DLG5: variants seen among roughly 807,000 people sequenced by gnomAD.
DLG5 encodes the protein disks large homolog 5.
DLG5 carries 48 observed loss-of-function variants against 189.8 expected under a neutral mutation model. The ratio of observed to expected loss-of-function variants is 0.25; its 90% CI spans 0.20 to 0.32. The LOEUF (loss-of-function observed/expected upper bound fraction) is 0.32. Ranked by LOEUF, DLG5 falls within the 10% of genes least tolerant of loss-of-function variation. DLG5 has a pLI of 1.00. For synonymous variants in DLG5, 1,016 were observed against 1,054.1 expected, an observed-to-expected ratio of 0.96 and a Z score of 0.70; for missense variants, 2,160 against 2,544.7, an observed-to-expected ratio of 0.85 and a Z score of 3.25.
chr10:77,918,817 G>T (rs574502069), intron 1 of DLG5, among the ~76,000 whole-genome samples: 1 of 152,212 alleles, frequency 6.6e-6, no homozygotes, highest in Admixed American at 6.5e-5. Context: ...CTCTATGTTT[G>T]CTACCTCTGT....
At chr10:77,894,054 G>A (rs1348063896) in intron 1 of DLG5, among the ~76,000 whole-genome samples, 1 of 152,254 alleles carries the variant, frequency 6.6e-6, no homozygotes, top group Non-Finnish European at 1.5e-5. Flanking sequence ...GTGGGTGGAA[G>A]ATGGTGCGTT....
At chr10:77,879,254 T>C (rs555629617) in intron 1 of DLG5, among the ~76,000 whole-genome samples, 1 of 152,012 alleles carries the variant, frequency 6.6e-6, no homozygotes, top group East Asian at 2.0e-4. Context: ...GAATAGCAAG[T>C]GCAAAGGCCC....
chr10:77,926,233 C>T lies in DLG5; in HGVS notation c.288G>A (p.Gln96=). ...LYLNGVVGPP[Q]PAEGAGSTYS... ...GCCACTCACCCGCGCCTTCGGCGGG[C>T]TGCGGCGGCCCGACGACGCCGTTCA... Residue 96 remains glutamine, a synonymous_variant, in exon 1 of 32, where the codon CAG becomes CAA. Coordinates refer to ENST00000372391, the MANE Select transcript of DLG5 (RefSeq NM_004747.4). The surrounding 1 kb of genome is among the most constrained non-coding windows in gnomAD (Gnocchi z 5.2). 1.3e-6 allele frequency: 2 copies of T among 1,508,768 alleles called. No homozygotes were observed. Among genetic ancestry groups the T allele is most frequent in the Non-Finnish European group, 8.9e-7 (1 of 1,127,308 alleles). The allele number at this position is 1,508,768 out of a possible 1,614,324, so 93.5% of individuals were successfully genotyped here.
chr10:77,878,797 G>A (rs1845183956), intron 1 of DLG5, among the ~76,000 whole-genome samples: 1 of 152,128 alleles, frequency 6.6e-6, no homozygotes, highest in South Asian at 2.1e-4. Context: ...AAAAACCAGA[G>A]CGCTCACAGT....
At position 77,856,857 on chromosome 10, in the gene DLG5, G is replaced by A. The variant is rs764393702; in HGVS notation, c.409C>T (p.Leu137Phe). ...TTCTCATTCACTTGCTGGTCAGTGA[G>A]GAGGGGTGGTGGGGACGGCGCCTTC... ...TGKAPSPPPL[L>F]TDQQVNEKVE... is the part of the protein sequence containing the mutation. Residue 137 changes from leucine to phenylalanine, a missense_variant, in exon 3 of 32, where the codon CTC becomes TTC. Around this residue, in one of 5 missense-constraint regions of DLG5, gnomAD observed 664 missense variants for 838.5 expected, o/e 0.79. Coordinates refer to ENST00000372391, the MANE Select transcript of DLG5 (RefSeq NM_004747.4). 5.0e-6 allele frequency: 8 copies of A among 1,612,456 alleles called. No individual in the cohort carries two copies. In the South Asian group the frequency reaches 6.6e-5, roughly 13 times the overall value.
chr10:77,908,007 C>G (rs769030174), intron 1 of DLG5, among the ~76,000 whole-genome samples: 2 of 152,186 alleles, frequency 1.3e-5, no homozygotes, highest in Non-Finnish European at 2.9e-5. Flanking sequence ...GGCCATGAAC[C>G]TGCAGCAGCC....
In DLG5 at chr10:77,841,951, G is replaced by A. The variant is rs1258337729; in HGVS notation, c.1367C>T (p.Ala456Val). 6.2e-7 allele frequency: 1 copy of A among 1,614,084 alleles called. No individual in the cohort carries two copies. The highest frequency in any genetic ancestry group is 2.2e-5 in the East Asian group (1 of 44,888). Residue 456 changes from alanine (A) to valine (V), a missense_variant, in exon 7 of 32, where the codon GCC becomes GTC. Coordinates refer to ENST00000372391, the MANE Select transcript of DLG5 (RefSeq NM_004747.4). ...LDKLQTEVELAESKLKSSTSE... is the reference protein window; with the variant it reads ...LDKLQTEVELVESKLKSSTSE... ...TGTGCTGCTCTTGAGCTTGGACTCG[G>A]CCAGCTCCACTTCGGTCTGCAGCTT... is the stretch of plus-strand genomic sequence containing the variant.
chr10:77,799,804 T>G (rs1841109315), intron 27 of DLG5, among the ~76,000 whole-genome samples: 1 of 151,750 alleles, frequency 6.6e-6, no homozygotes, highest in South Asian at 2.1e-4. Context: ...GAGATGGGAG[T>G]CTTGCCATGT....
intron 1 of DLG5, 172 bp from the exon 2 acceptor site, chr10:77,869,369 T>C (rs1248657): frequency 0.27 from 165,835 of 608,090 alleles, 24,076 homozygotes; most frequent in Admixed American, 0.4. Context: ...TGGACTTCGG[T>C]GTTTCTGCCA....
rs1477524930 is a variant in DLG5, at chr10:77,926,323, G to A, written c.198C>T (p.Asp66=). Residue 66 remains aspartate, a synonymous_variant, in exon 1 of 32, where the codon GAC becomes GAT. Transcript: ENST00000372391. The surrounding 1 kb of genome is among the most constrained non-coding windows in gnomAD (Gnocchi z 5.2). ...GCGCCGCCCGCAGGTCCTGGAAGTG[G>A]TCCCGCTCCTTGGCCAAGAGCAGCT... ...LLKLLLAKER[D]HFQDLRAALE... 1.9e-6 allele frequency: 3 copies of A among 1,603,582 alleles called. No homozygotes were observed. The highest frequency in any genetic ancestry group is 2.7e-5 in the African/African-American group (2 of 74,584).
chr10:77,858,018 C>T (rs539728250), intron 2 of DLG5, among the ~76,000 whole-genome samples: 1 of 152,292 alleles, frequency 6.6e-6, no homozygotes, highest in South Asian at 2.1e-4. Context: ...AGTCCCCCAA[C>T]CCAAGACAAA....
At chr10:77,816,949 C>T in intron 19 of DLG5, 58 bp downstream of exon 19, 1 of 1,543,780 alleles carries the variant, frequency 6.5e-7, no homozygotes, top group East Asian at 2.2e-5. Flanking sequence ...GAGACTCCAC[C>T]ATGAGGAGTC....
intron 3 of DLG5, among the ~76,000 whole-genome samples, chr10:77,855,712 A>G (rs2154576733): frequency 6.6e-6 from 1 of 152,326 alleles, no homozygotes; most frequent in South Asian, 2.1e-4. Flanking sequence ...CATGAATACA[A>G]GCTCAGGGAT....
chr10:77,841,810 G>A (rs1174694658), intron 7 of DLG5, 71 bp downstream of exon 7: 32 of 1,524,470 alleles, frequency 2.1e-5, no homozygotes, highest in East Asian at 4.5e-5. Flanking sequence ...CGGACACCAC[G>A]CACTCTGCAG....
At chr10:77,801,349 G>T (rs961999399) in intron 27 of DLG5, among the ~76,000 whole-genome samples, 1 of 152,186 alleles carries the variant, frequency 6.6e-6, no homozygotes, top group African/African-American at 2.4e-5. Context: ...TGCAACAGAA[G>T]AGTGGAATAA....
chr10:77,817,234 G>T (rs1842105596), intron 18 of DLG5, 138 bp from the exon 19 acceptor site: 1 of 772,514 alleles, frequency 1.3e-6, no homozygotes, highest in East Asian at 2.6e-5. Context: ...GCCTTGATAT[G>T]GAACAGTCAA....
At chr10:77,849,545 G>A (rs1843861519) in intron 5 of DLG5, among the ~76,000 whole-genome samples, 1 of 152,242 alleles carries the variant, frequency 6.6e-6, no homozygotes, top group East Asian at 1.9e-4. Context: ...CTCCTGGTGG[G>A]GTCTGGAGGT....
chr10:77,940,181 G>A, the DLG5 span, among the ~76,000 whole-genome samples: 7 of 152,240 alleles, frequency 4.6e-5, no homozygotes, highest in African/African-American at 1.4e-4. Context: ...AGGATGTCCC[G>A]CTTCTAATAG....
At chr10:77,914,225 G>C (rs1320541285) in intron 1 of DLG5, among the ~76,000 whole-genome samples, 3 of 152,216 alleles carry the variant, frequency 2.0e-5, no homozygotes, top group African/African-American at 7.2e-5. Flanking sequence ...AGAAGCATGG[G>C]CCTCCTCGTC....
Sources: gnomAD v4.1 joint callset for allele counts (sites outside exome capture counted in the v4.1 genomes callset) on GRCh38, gnomAD v4.1.1 for gene constraint, gnomAD v4.1.1 regional missense constraint, Gnocchi (gnomAD v3.1) non-coding constraint, MANE v1.5 for transcripts, NCBI Gene and HGNC (gene_info 2026-07-23, HGNC 2026-07-21) for gene names.